Variants in VPS13C observed in about 807,000 individuals in gnomAD.
VPS13C encodes intermembrane lipid transfer protein VPS13C.
In VPS13C, 358 loss-of-function variants were observed where a neutral mutation model predicts 456.8. The observed-to-expected ratio is 0.78, with a 90% CI of 0.72 to 0.86. The LOEUF (loss-of-function observed/expected upper bound fraction) is 0.86, where lower values mean the gene tolerates loss of function less well. Ranked by LOEUF, VPS13C falls within the 40% of genes least tolerant of loss-of-function variation. The pLI is 0.00. For missense variants in VPS13C, 4,818 were observed against 4,385.4 expected (o/e 1.10, Z -2.79); for synonymous variants, 1,578 against 1,486.7 (o/e 1.06, Z -1.41).
rs201028815 is a variant in VPS13C, at chr15:62,023,788, C to T, written c.506G>A (p.Arg169His). The change falls in exon 7 of 85, where the codon CGT becomes CAT. Residue 169 changes from arginine (R) to histidine (H), a missense_variant. Around this residue, in one of 3 missense-constraint regions of VPS13C, gnomAD observed 4,552 missense variants for 4,130.6 expected, o/e 1.10. Coordinates refer to ENST00000644861, the MANE Select transcript of VPS13C (RefSeq NM_020821.3). ...HFKKPFKGLD[R>H]SKDKPKEAKK... ...AAACTACTTTTACCTACCTTTTGAA[C>T]GATCAAGACCTTTAAAAGGTTTCTT... is the stretch of plus-strand genomic sequence containing the variant. 5.5e-5 allele frequency: 88 copies of T among 1,609,368 alleles called. No individual in the cohort carries two copies. The East Asian group carries it at 5.6e-4, about 10-fold the overall frequency.
chr15:61,962,341 G>A (rs1292005413), intron 34 of VPS13C, 30 bp downstream of exon 34: 2 of 1,538,672 alleles, frequency 1.3e-6, no homozygotes, highest in African/African-American at 1.4e-5. Flanking sequence ...TTTCAAAGTT[G>A]AAAAATCAAT....
rs117439777 is a variant in VPS13C, at chr15:61,859,708, C to G, written c.10953-3299G>C. Among the ~76,000 whole-genome samples the G allele has an allele frequency of 1.4e-3, 208 of 152,244 alleles. 2 individuals carry two copies. In the East Asian group the frequency reaches 0.028, roughly 20 times the overall value. On this transcript the variant is annotated intron_variant, in intron 82 of 84. Coordinates refer to ENST00000644861, the MANE Select transcript of VPS13C (RefSeq NM_020821.3). The stretch of plus-strand genomic sequence containing the variant: ...TCCCTATGTCCTCAGAGACTCTGTC[C>G]ATCGCTCTTCTTAGCACCTATCACA...
chr15:61,955,521 A>T (rs8027751), intron 37 of VPS13C, among the ~76,000 whole-genome samples: 101,722 of 152,084 alleles, frequency 0.67, 34,989 homozygotes, highest in East Asian at 0.85. Flanking sequence ...AAAGCCGCTA[A>T]TGTTAATCAT....
intron 62 of VPS13C, among the ~76,000 whole-genome samples, 188 bp downstream of exon 62, chr15:61,913,123 C>G (rs993463914): frequency 2.6e-5 from 4 of 151,114 alleles, no homozygotes; most frequent in Non-Finnish European, 5.9e-5. Flanking sequence ...GTCAGTGTGG[C>G]GATTCCTCAG....
In VPS13C at chr15:61,856,173, C is replaced by T. The variant is rs1893892843; in HGVS notation, c.11076+113G>A. 4 of 1,259,338 alleles carry T rather than the reference C, an allele frequency of 3.2e-6. No homozygotes were observed. In the Admixed American group the frequency reaches 1.0e-4, roughly 32 times the overall value. The allele number at this position is 1,259,338 out of a possible 1,614,324, so 78.0% of individuals were successfully genotyped here. On this transcript the variant is annotated intron_variant, in intron 83 of 84. Transcript: ENST00000644861. ...ATTGATTACATCTTTCTTCACATCT[C>T]AGCATATAGTAGTAATAACGACACT...
At chr15:61,956,346 G>C (rs532805448) in intron 37 of VPS13C, among the ~76,000 whole-genome samples, 2 of 151,820 alleles carry the variant, frequency 1.3e-5, no homozygotes, top group African/African-American at 4.8e-5. Context: ...GGGGGACTGG[G>C]GGAGGGCTGA....
At chr15:61,897,233 C>A (rs12901247) in intron 66 of VPS13C, among the ~76,000 whole-genome samples, 1 of 151,986 alleles carries the variant, frequency 6.6e-6, no homozygotes, top group African/African-American at 2.4e-5. Flanking sequence ...TCACCAGCAA[C>A]GGAACAAAGC....
At chr15:61,926,957 C>A (rs2043869771) in intron 52 of VPS13C, 134 bp downstream of exon 52, 2 of 786,826 alleles carry the variant, frequency 2.5e-6, no homozygotes, top group Non-Finnish European at 4.0e-6. Flanking sequence ...AATTCAATAT[C>A]TTTATATGTA....
intron 4 of VPS13C, 79 bp downstream of exon 4, chr15:62,034,878 T>C (rs1267785385): frequency 2.2e-6 from 2 of 927,678 alleles, no homozygotes; most frequent in Admixed American, 4.9e-5. Context: ...AATAAATAAA[T>C]GTATTAAAAT....
intron 81 of VPS13C, chr15:61,866,323 A>G: frequency 2.0e-6 from 2 of 983,636 alleles, no homozygotes; most frequent in African/African-American, 1.7e-5. Flanking sequence ...AGACAAGATT[A>G]TATGTTCAGA....
chr15:61,862,847 C>T (rs1316060351), intron 82 of VPS13C, among the ~76,000 whole-genome samples: 1 of 152,060 alleles, frequency 6.6e-6, no homozygotes, highest in Non-Finnish European at 1.5e-5. Flanking sequence ...TTGCCTTACT[C>T]TTATAAAGCT....
chr15:61,961,658 T>C lies in VPS13C; in HGVS notation c.3839A>G (p.Asp1280Gly), dbSNP rs760153678. The C allele has an allele frequency of 6.2e-7, 1 of 1,613,956 alleles. No individual in the cohort carries two copies. Among genetic ancestry groups the C allele is most frequent in the Admixed American group, 1.7e-5 (1 of 60,004 alleles). The part of the protein sequence containing the change: ...RVHNQFSLVS[D>G]EDYLNPPVID... ...TACTGGAGGATTTAAGTAGTCTTCA[T>C]CAGACACCAGACTGAACTGATTATG... The change falls in exon 35 of 85, where the codon GAT (aspartate) becomes GGT (glycine). Residue 1280 changes from aspartate to glycine, a missense_variant. Physicochemically the swap from Asp to Gly is moderately conservative, Grantham distance 94. This residue lies in a region of VPS13C where 4,552 missense variants were observed against 4,130.6 expected (regional missense o/e 1.10). Transcript: ENST00000644861.
At chr15:61,985,192 C>G (rs2046007147) in intron 18 of VPS13C, among the ~76,000 whole-genome samples, 193 bp from the exon 19 acceptor site, 1 of 152,118 alleles carries the variant, frequency 6.6e-6, no homozygotes, top group Non-Finnish European at 1.5e-5. Flanking sequence ...TTACAAAATT[C>G]AATACAAAAT....
intron 63 of VPS13C, 74 bp downstream of exon 63, chr15:61,911,766 T>C (rs2140148079): frequency 3.1e-6 from 4 of 1,302,182 alleles, no homozygotes; most frequent in Non-Finnish European, 4.1e-6. Flanking sequence ...AAAAGAGGTA[T>C]ATACAATTCT....
chr15:62,058,941 A>G (rs939423885), intron 1 of VPS13C, among the ~76,000 whole-genome samples: 6 of 144,218 alleles, frequency 4.2e-5, no homozygotes, highest in African/African-American at 1.7e-4. Context: ...AAAAAAAAAA[A>G]CAACAACAAC....
chr15:62,014,055 C>A, intron 9 of VPS13C, 63 bp from the exon 10 acceptor site: 1 of 1,213,158 alleles, frequency 8.2e-7, no homozygotes, highest in Non-Finnish European at 1.2e-6. Flanking sequence ...CGCTCTAATA[C>A]TTACATAATG....
At chr15:61,921,620 A>G (rs1310873810) in intron 55 of VPS13C, among the ~76,000 whole-genome samples, 2 of 152,118 alleles carry the variant, frequency 1.3e-5, no homozygotes, top group Non-Finnish European at 2.9e-5. Context: ...TTAATCAAAA[A>G]TAACTATTTT....
At chr15:61,991,869 G>C (rs947624398) in intron 16 of VPS13C, 67 bp from the exon 17 acceptor site, 1 of 1,506,440 alleles carries the variant, frequency 6.6e-7, no homozygotes, top group Non-Finnish European at 8.9e-7. Flanking sequence ...GTGTAGCCTG[G>C]GAAAAAAAAA....
Position 61,972,635 on chromosome 15 carries a change from T to C in VPS13C, c.2747A>G (p.Glu916Gly). The C allele has an allele frequency of 6.2e-7, 1 of 1,612,698 alleles. No individual in the cohort carries two copies. Among genetic ancestry groups the C allele is most frequent in the Non-Finnish European group, 8.5e-7 (1 of 1,179,446 alleles). ...EELINLLLKF[E>G]IKEVILEFTK... ...CAAAAAAGCACATACTTCTTTAATTTCAAACTTGAGTAGAAGATTGATGAG... is the reference window on the plus strand; with the variant it reads ...CAAAAAAGCACATACTTCTTTAATTCCAAACTTGAGTAGAAGATTGATGAG... Residue 916 changes from glutamate (E) to glycine (G), a missense_variant, in exon 27 of 85, where the codon GAA becomes GGA. By Grantham distance (98) the Glu-to-Gly change is moderately conservative (BLOSUM62 -2). Transcript: ENST00000644861.
Sources: allele counts gnomAD v4.1 joint callset (sites outside exome capture counted in the v4.1 genomes callset), GRCh38; gene constraint gnomAD v4.1.1; regional missense constraint gnomAD v4.1.1; transcripts MANE v1.5; gene names NCBI Gene and HGNC (gene_info 2026-07-23, HGNC 2026-07-21).